Variants in KLHDC4 observed in about 807,000 individuals in gnomAD.
KLHDC4 encodes kelch domain-containing protein 4.
KLHDC4 carries 90 observed loss-of-function variants against 62.4 expected under a neutral mutation model. That is an observed-to-expected ratio of 1.44 (90% CI 1.22 to 1.72). KLHDC4 has a LOEUF of 1.72. Among genes scored for constraint, KLHDC4 ranks in the 40% most tolerant of loss-of-function variants. The pLI is 0.00. For synonymous variants in KLHDC4, 386 were observed against 284.4 expected, an observed-to-expected ratio of 1.36 and a Z score of -3.59; for missense variants, 1,025 against 699.7, an observed-to-expected ratio of 1.47 and a Z score of -5.25.
intron 9 of KLHDC4, 121 bp downstream of exon 9, chr16:87,711,114 T>C (rs1048392169): frequency 6.5e-6 from 6 of 924,502 alleles, no homozygotes; most frequent in African/African-American, 1.6e-5. Flanking sequence ...CTCGCCCCTC[T>C]TGAGAGAGCT....
intron 5 of KLHDC4, among the ~76,000 whole-genome samples, chr16:87,736,413 G>C (rs909626690): frequency 6.6e-6 from 1 of 152,208 alleles, no homozygotes; most frequent in African/African-American, 2.4e-5. Flanking sequence ...GACATCTGCT[G>C]AGCAAAGGAG....
chr16:87,753,732 C>T (rs1047518664), intron 4 of KLHDC4, among the ~76,000 whole-genome samples: 13 of 150,920 alleles, frequency 8.6e-5, no homozygotes, highest in Non-Finnish European at 1.5e-4. Context: ...ACTCAGGAAG[C>T]GGAGGTTGCA....
intron 6 of KLHDC4, among the ~76,000 whole-genome samples, chr16:87,727,516 G>T (rs549958213): frequency 3.3e-4 from 51 of 152,266 alleles, no homozygotes; most frequent in Non-Finnish European, 5.4e-4. Flanking sequence ...CACAGAAGCC[G>T]ACCCTCTGTG....
At chr16:87,755,522 C>A in intron 3 of KLHDC4, 1 of 401,762 alleles carries the variant, frequency 2.5e-6, no homozygotes, top group Non-Finnish European at 4.6e-6. Flanking sequence ...ACTGAAAGCC[C>A]TCGTTGTTAT....
intron 7 of KLHDC4, among the ~76,000 whole-genome samples, chr16:87,724,930 T>C (rs1028128813): frequency 8.5e-5 from 13 of 152,198 alleles, no homozygotes; most frequent in African/African-American, 3.1e-4. Context: ...AAAGGCTGTG[T>C]CTTCTGAAGA....
At chr16:87,747,926 G>A (rs997151193) in intron 5 of KLHDC4, among the ~76,000 whole-genome samples, 3 of 152,188 alleles carry the variant, frequency 2.0e-5, no homozygotes, top group Non-Finnish European at 4.4e-5. Context: ...GGGCACTTCC[G>A]CTCTGCTGCT....
At chr16:87,715,421 C>A (rs1489053746) in intron 7 of KLHDC4, among the ~76,000 whole-genome samples, 1 of 152,116 alleles carries the variant, frequency 6.6e-6, no homozygotes, top group African/African-American at 2.4e-5. Flanking sequence ...GACCCGTTAC[C>A]GGGAGCGTGG....
intron 5 of KLHDC4, chr16:87,740,865 A>G (rs1294167642): frequency 6.6e-6 from 1 of 152,168 alleles, no homozygotes; most frequent in Admixed American, 6.5e-5. Context: ...AGAAACAAAA[A>G]TAAGAAACAG....
intron 4 of KLHDC4, among the ~76,000 whole-genome samples, chr16:87,752,076 T>A (rs1410475795): frequency 6.3e-5 from 5 of 79,810 alleles, no homozygotes; most frequent in Admixed American, 1.8e-4. Flanking sequence ...GGCAACAGAG[T>A]GAGACTTTGT....
intron 7 of KLHDC4, among the ~76,000 whole-genome samples, chr16:87,722,710 G>C (rs1227328548): frequency 6.6e-6 from 1 of 152,246 alleles, no homozygotes; most frequent in Non-Finnish European, 1.5e-5. Flanking sequence ...GCTGAGACGA[G>C]GACCATGGGG....
chr16:87,765,500 G>A (rs960479689), intron 1 of KLHDC4, among the ~76,000 whole-genome samples: 1 of 152,100 alleles, frequency 6.6e-6, no homozygotes, highest in South Asian at 2.1e-4. Context: ...GGAGGGAGAA[G>A]GGAGGAGGGG....
chr16:87,760,408 C>G (rs1176230128), intron 2 of KLHDC4, among the ~76,000 whole-genome samples: 2 of 150,380 alleles, frequency 1.3e-5, no homozygotes, highest in Non-Finnish European at 3.0e-5. Context: ...AAGATCAAGA[C>G]CATCCTGGCC....
In KLHDC4 at chr16:87,714,571, T is replaced by G; in HGVS notation, c.762A>C (p.Arg254Ser). Residue 254 changes from arginine (R) to serine (S), a missense_variant and splice_region_variant, in exon 8 of 12, where the codon AGA (arginine) becomes AGC (serine). Physicochemically the swap from Arg to Ser is moderately radical, Grantham distance 110. Coordinates refer to ENST00000270583, the MANE Select transcript of KLHDC4 (RefSeq NM_017566.4). ...TGCCCTTGTCCACGTCTTTCTTAAC[T>G]CTCTGCAATGGAAAGGAATTGTGTG... ...IVVYGGYSKQ[R>S]VKKDVDKGTR... is the part of the protein sequence containing the mutation. 1 of 1,614,054 alleles carries G rather than the reference T, an allele frequency of 6.2e-7. No individual in the cohort carries two copies. The highest frequency in any genetic ancestry group is 8.5e-7 in the Non-Finnish European group (1 of 1,179,950).
chr16:87,748,325 G>A (rs1315672851), intron 5 of KLHDC4, among the ~76,000 whole-genome samples: 1 of 152,162 alleles, frequency 6.6e-6, no homozygotes, highest in Non-Finnish European at 1.5e-5. Context: ...ACATCGCTAT[G>A]GGGCCCCCCT....
At position 87,733,428 on chromosome 16, in the gene KLHDC4, C is replaced by T. The variant is rs949230871; in HGVS notation, c.507-2784G>A. 7.2e-5 allele frequency among the ~76,000 whole-genome samples: 11 copies of T among 152,336 alleles called. No individual in the cohort carries two copies. In the South Asian group the frequency reaches 2.1e-3, roughly 29 times the overall value. On this transcript the variant is annotated intron_variant, in intron 5 of 11. Coordinates refer to ENST00000270583, the MANE Select transcript of KLHDC4 (RefSeq NM_017566.4). The stretch of plus-strand genomic sequence containing the variant: ...CCAGGCACAGAGGAGGCGGGGCACA[C>T]AGGAATGGCTTTGGGCTGCAACATC...
At chr16:87,748,869 G>T in intron 4 of KLHDC4, 60 bp from the exon 5 acceptor site, 1 of 1,601,500 alleles carries the variant, frequency 6.2e-7, no homozygotes, top group South Asian at 1.1e-5. Context: ...CCAGTGTCAT[G>T]GGTGACCGGT....
At chr16:87,744,880 C>T (rs1380752310) in intron 5 of KLHDC4, among the ~76,000 whole-genome samples, 1 of 152,198 alleles carries the variant, frequency 6.6e-6, no homozygotes, top group African/African-American at 2.4e-5. Context: ...CACACGAGCA[C>T]ACACACGCTC....
chr16:87,758,946 C>T (rs536034238), intron 2 of KLHDC4, among the ~76,000 whole-genome samples: 56 of 152,082 alleles, frequency 3.7e-4, no homozygotes, highest in African/African-American at 1.2e-3. Context: ...GAGGCCGAGG[C>T]GGGCGGATCA....
intron 7 of KLHDC4, among the ~76,000 whole-genome samples, chr16:87,722,770 C>T (rs1450894431): frequency 3.3e-5 from 5 of 152,368 alleles, no homozygotes; most frequent in Non-Finnish European, 5.9e-5. Context: ...CAGGTCACTC[C>T]AGCTGCTGCA....
Sources: allele counts gnomAD v4.1 joint callset (sites outside exome capture counted in the v4.1 genomes callset), GRCh38; gene constraint gnomAD v4.1.1; transcripts MANE v1.5; gene names NCBI Gene and HGNC (gene_info 2026-07-23, HGNC 2026-07-21).